The following VPS13B variants were observed in gnomAD, a reference collection of about 807,000 sequenced individuals.
VPS13B encodes the protein vacuolar protein sorting 13 homolog B.
VPS13B carries 285 observed loss-of-function variants against 426.4 expected under a neutral mutation model. The ratio of observed to expected loss-of-function variants is 0.67; its 90% CI spans 0.61 to 0.74. VPS13B has a LOEUF of 0.74. Ranked by LOEUF, VPS13B falls within the 30% of genes least tolerant of loss-of-function variation. The pLI, the probability that VPS13B is intolerant of heterozygous loss-of-function variation, is 0.00. For synonymous variants in VPS13B, 1,676 were observed against 1,676.4 expected (o/e 1.00, Z 0.01); for missense variants, 4,537 against 4,782.6 (o/e 0.95, Z 1.51).
At chr8:99,205,956 A>C (rs571445020) in intron 17 of VPS13B, among the ~76,000 whole-genome samples, 194 of 152,318 alleles carry the variant, frequency 1.3e-3, no homozygotes, top group African/African-American at 4.4e-3. Flanking sequence ...TTGGAAATTT[A>C]ATTAAAATAA....
intron 23 of VPS13B, among the ~76,000 whole-genome samples, chr8:99,461,957 T>C (rs1227624772): frequency 6.6e-6 from 1 of 152,180 alleles, no homozygotes; most frequent in Non-Finnish European, 1.5e-5. Context: ...CCCTAGATCC[T>C]AGAATGAGGT....
intron 35 of VPS13B, 23 bp downstream of exon 35, chr8:99,661,514 A>G (rs1263909998): frequency 6.2e-7 from 1 of 1,609,712 alleles, no homozygotes; most frequent in Admixed American, 1.7e-5. Context: ...TAAAATTTAC[A>G]TGTGTGTACA....
intron 21 of VPS13B, among the ~76,000 whole-genome samples, chr8:99,416,725 G>A (rs905737497): frequency 4.6e-5 from 7 of 151,984 alleles, no homozygotes; most frequent in African/African-American, 7.2e-5. Context: ...ACCTTGCTTC[G>A]GCTCACCCTC....
intron 22 of VPS13B, among the ~76,000 whole-genome samples, chr8:99,440,281 AGGG>A (rs1338804887): frequency 9.2e-5 from 14 of 152,102 alleles, no homozygotes; most frequent in Admixed American, 8.5e-4. Context: ...TGTGGCTCAG[AGGG>A]TCCCAACCAG....
chr8:99,642,293 G>T lies in VPS13B; in HGVS notation c.5703G>T (p.Arg1901Ser), dbSNP rs1403274274. The T allele has an allele frequency of 6.2e-7, 1 of 1,614,114 alleles. No individual in the cohort carries two copies. Among genetic ancestry groups the T allele is most frequent in the Admixed American group, 1.7e-5 (1 of 60,008 alleles). The change falls in exon 34 of 62, where the codon AGG becomes AGT. Residue 1901 changes from arginine (R) to serine (S), a missense_variant. Physicochemically the swap from Arg to Ser is moderately radical, Grantham distance 110. Transcript: ENST00000357162. ...TTGAAAGTCTTCATGCATCCACAAGGTCATCTGCTAGACAAGCACTTGGTA... is the reference window on the plus strand; with the variant it reads ...TTGAAAGTCTTCATGCATCCACAAGTTCATCTGCTAGACAAGCACTTGGTA... ...LSLESLHAST[R>S]SSARQALGIT...
Position 99,066,123 on chromosome 8 carries a change from A to G in VPS13B, c.291+27557A>G, listed in dbSNP as rs573080048. On this transcript the variant is annotated intron_variant, in intron 3 of 61. Coordinates refer to ENST00000357162, the MANE Select transcript of VPS13B (RefSeq NM_152564.5). ...TGCCATCCCCATGAAGCTACCAATG[A>G]CTTTCTTCACAGAATTGGAAAAAAC... Among the ~76,000 whole-genome samples the G allele has an allele frequency of 2.6e-5, 4 of 152,352 alleles. No individual in the cohort carries two copies. In the East Asian group the frequency reaches 7.7e-4, roughly 29 times the overall value.
In VPS13B at chr8:99,731,069, T is replaced by G. The variant is rs546370195; in HGVS notation, c.7050+10022T>G. ...CAGTGAGCAAAATTTCAGAACTGGA[T>G]AGAGAGGGCAGAACATATTTCTGGG... On this transcript the variant is annotated intron_variant, in intron 39 of 61. Coordinates refer to ENST00000357162, the MANE Select transcript of VPS13B (RefSeq NM_152564.5). Among the ~76,000 whole-genome samples, 10 of 152,198 alleles carry G rather than the reference T, an allele frequency of 6.6e-5. 1 individual carries two copies. The highest frequency in any genetic ancestry group is 2.4e-4 in the African/African-American group (10 of 41,522).
intron 33 of VPS13B, among the ~76,000 whole-genome samples, chr8:99,592,261 A>G (rs1237166855): frequency 6.6e-6 from 1 of 152,052 alleles, no homozygotes; most frequent in Admixed American, 6.6e-5. Context: ...GCATTCGAAC[A>G]TCCTCCCGTA....
intron 33 of VPS13B, among the ~76,000 whole-genome samples, chr8:99,595,605 G>C (rs891111116): frequency 2.6e-5 from 4 of 151,432 alleles, no homozygotes; most frequent in Non-Finnish European, 5.9e-5. Flanking sequence ...AAACTAAAAA[G>C]AAAAAGAATA....
rs565728722 is a variant in VPS13B at position 99,446,792 on chromosome 8, T to A, written c.3445+4157T>A. On this transcript the variant is annotated intron_variant, in intron 23 of 61. Coordinates refer to ENST00000357162, the MANE Select transcript of VPS13B (RefSeq NM_152564.5). ...TGTCAGATAAATCCATACATGTTACTAGTACCTGAATAGAGATCAAGAATA... is the reference window on the plus strand; with the variant it reads ...TGTCAGATAAATCCATACATGTTACAAGTACCTGAATAGAGATCAAGAATA... 2.2e-4 allele frequency among the ~76,000 whole-genome samples: 34 copies of A among 152,318 alleles called. No individual in the cohort carries two copies. In the South Asian group the frequency reaches 7.0e-3, roughly 32 times the overall value.
At chr8:99,323,523 A>T (rs927690945) in intron 19 of VPS13B, among the ~76,000 whole-genome samples, 2 of 152,204 alleles carry the variant, frequency 1.3e-5, no homozygotes, top group Non-Finnish European at 2.9e-5. Flanking sequence ...TCAAAGACAC[A>T]TAACTAATAA....
chr8:99,422,254 C>G (rs933131076), intron 21 of VPS13B, among the ~76,000 whole-genome samples: 5 of 152,094 alleles, frequency 3.3e-5, no homozygotes, highest in African/African-American at 1.2e-4. Flanking sequence ...TTGAACAACA[C>G]TTTTAAGCCA....
chr8:99,610,409 C>T (rs1827792868), intron 33 of VPS13B, among the ~76,000 whole-genome samples: 1 of 152,168 alleles, frequency 6.6e-6, no homozygotes, highest in Non-Finnish European at 1.5e-5. Flanking sequence ...ACTACGCAGT[C>T]ATAAAAAATG....
intron 33 of VPS13B, among the ~76,000 whole-genome samples, chr8:99,597,574 T>C (rs1254259865): frequency 6.6e-6 from 1 of 151,996 alleles, no homozygotes; most frequent in Non-Finnish European, 1.5e-5. Context: ...AGTCTTTACT[T>C]TCTTTCTCCT....
chr8:99,359,488 A>T (rs1371891334), intron 19 of VPS13B, among the ~76,000 whole-genome samples: 1 of 152,218 alleles, frequency 6.6e-6, no homozygotes, highest in African/African-American at 2.4e-5. Context: ...TAATGCAGAT[A>T]CCACAATGAA....
intron 24 of VPS13B, 69 bp downstream of exon 24, chr8:99,467,703 G>A: frequency 6.7e-7 from 1 of 1,497,680 alleles, no homozygotes; most frequent in South Asian, 1.1e-5. Flanking sequence ...TATCCATTTT[G>A]TTGAAGGGTT....
rs574407668 is a variant in VPS13B at position 99,505,867 on chromosome 8, G to T, written c.4158-1270G>T. Among the ~76,000 whole-genome samples, 5 of 152,182 alleles carry T rather than the reference G, an allele frequency of 3.3e-5. No homozygotes were observed. The East Asian group carries it at 9.7e-4, about 29-fold the overall frequency. ...ATGCCTGTACTTATTCTCAAAGAGGGTTCTTAACAGATACATTGATTAATT... is the reference window on the plus strand; with the variant it reads ...ATGCCTGTACTTATTCTCAAAGAGGTTTCTTAACAGATACATTGATTAATT... On this transcript the variant is annotated intron_variant, in intron 27 of 61. Transcript: ENST00000357162.
At chr8:99,109,029 C>G (rs1474505804) in intron 5 of VPS13B, among the ~76,000 whole-genome samples, 1 of 152,024 alleles carries the variant, frequency 6.6e-6, no homozygotes, top group Non-Finnish European at 1.5e-5. Flanking sequence ...GAAGTTTTCT[C>G]TATTTCTTTG....
chr8:99,183,444 A>G (rs1265785452), intron 16 of VPS13B, among the ~76,000 whole-genome samples: 3 of 152,310 alleles, frequency 2.0e-5, no homozygotes, highest in African/African-American at 7.2e-5. Context: ...GCAGCCTAGT[A>G]GTTTGCATTT....
Sources: allele counts gnomAD v4.1 joint callset (sites outside exome capture counted in the v4.1 genomes callset), GRCh38; gene constraint gnomAD v4.1.1; transcripts MANE v1.5; gene names NCBI Gene and HGNC (gene_info 2026-07-23, HGNC 2026-07-21).